SCN2A: variants seen among roughly 807,000 people sequenced by gnomAD.
SCN2A encodes the protein sodium channel protein type 2 subunit alpha.
Under a neutral mutation model 188.7 loss-of-function variants are expected in SCN2A, and 20 were observed. That is an observed-to-expected ratio of 0.11 (90% CI 0.07 to 0.15). The LOEUF (loss-of-function observed/expected upper bound fraction) is 0.15, where lower values mean the gene tolerates loss of function less well. SCN2A is among the 10% of genes least tolerant of loss of function. SCN2A has a pLI of 1.00. For synonymous variants in SCN2A, 804 were observed against 833.1 expected (o/e 0.97, Z 0.60); for missense variants, 1,278 against 2,445.0 (o/e 0.52, Z 10.07).
intron 13 of SCN2A, chr2:165,328,058 T>A (rs1698454729): frequency 6.6e-6 from 1 of 152,060 alleles, no homozygotes; most frequent in South Asian, 2.1e-4. Context: ...AGCATACACG[T>A]CCCTTTCTTA....
intron 17 of SCN2A, among the ~76,000 whole-genome samples, chr2:165,360,528 A>G (rs1700407074): frequency 6.6e-6 from 1 of 151,962 alleles, no homozygotes; most frequent in Admixed American, 6.6e-5. Flanking sequence ...AGAGTCCTAT[A>G]ATATTAGGTA....
At chr2:165,347,240 C>T (rs1379652669) in intron 16 of SCN2A, among the ~76,000 whole-genome samples, 1 of 152,158 alleles carries the variant, frequency 6.6e-6, no homozygotes, top group Non-Finnish European at 1.5e-5. Flanking sequence ...GGCACATATA[C>T]ACCATGAAAT....
chr2:165,364,459 T>G (rs1327788296), intron 17 of SCN2A, among the ~76,000 whole-genome samples: 1 of 152,234 alleles, frequency 6.6e-6, no homozygotes, highest in Non-Finnish European at 1.5e-5. Flanking sequence ...TAAATATTCA[T>G]TTCTGCCTGT....
At chr2:165,253,000 TGAGGTAAAGAATGGGAATTTTGAA>T (rs1694161460) in intron 1 of SCN2A, among the ~76,000 whole-genome samples, 1 of 152,132 alleles carries the variant, frequency 6.6e-6, no homozygotes. Flanking sequence ...TTATCATTTA[TGAGGTAAAGAATGGGAATTTTGAA>T]GTTCTGTGTT....
intron 1 of SCN2A, among the ~76,000 whole-genome samples, chr2:165,274,574 AATACCTG>A: frequency 1.3e-5 from 2 of 152,356 alleles, no homozygotes; most frequent in South Asian, 4.1e-4. Flanking sequence ...ATTTTGTACA[AATACCTG>A]ATGTGTAGCT....
chr2:165,258,851 C>T (rs928143480), intron 1 of SCN2A, among the ~76,000 whole-genome samples: 62 of 152,190 alleles, frequency 4.1e-4, no homozygotes, highest in Admixed American at 1.3e-4. Context: ...CCCAATACCA[C>T]ATGTTCTAAC....
chr2:165,309,095 G>T, intron 5 of SCN2A: 1 of 1,512,066 alleles, frequency 6.6e-7, no homozygotes. Context: ...AAATTAAAAA[G>T]GTCTTGATGA....
At chr2:165,348,615 C>T (rs1574651561) in intron 16 of SCN2A, among the ~76,000 whole-genome samples, 1 of 152,094 alleles carries the variant, frequency 6.6e-6, no homozygotes, top group African/African-American at 2.4e-5. Flanking sequence ...CTGATTACTT[C>T]ATAGTTTCTG....
intron 1 of SCN2A, among the ~76,000 whole-genome samples, chr2:165,290,122 G>T (rs1696031009): frequency 6.6e-6 from 1 of 151,970 alleles, no homozygotes; most frequent in Non-Finnish European, 1.5e-5. Context: ...TATTCATGGG[G>T]TACATAGTGA....
At chr2:165,303,270 G>T (rs1393291984) in intron 3 of SCN2A, among the ~76,000 whole-genome samples, 15 of 91,312 alleles carry the variant, frequency 1.6e-4, no homozygotes, top group East Asian at 3.7e-4. Flanking sequence ...TGTTATTTGA[G>T]TTTTTTTTTT....
At chr2:165,388,591 G>A (rs1701994781) in intron 26 of SCN2A, 38 bp from the exon 27 acceptor site, 2 of 1,611,890 alleles carry the variant, frequency 1.2e-6, no homozygotes, top group East Asian at 2.2e-5. Flanking sequence ...CTACTATTAA[G>A]TATAACAATA....
chr2:165,377,779 A>T (rs545802846), intron 23 of SCN2A, 129 bp downstream of exon 23: 1 of 661,600 alleles, frequency 1.5e-6, no homozygotes, highest in Non-Finnish European at 2.5e-6. Context: ...TATTATAAGG[A>T]TAAAATATTT....
chr2:165,260,186 G>A (rs951151845), intron 1 of SCN2A, among the ~76,000 whole-genome samples: 2 of 152,058 alleles, frequency 1.3e-5, no homozygotes, highest in Non-Finnish European at 1.5e-5. Flanking sequence ...CTCATGATCC[G>A]CCTGCCTCGG....
At chr2:165,257,426 G>A (rs531288570) in intron 1 of SCN2A, among the ~76,000 whole-genome samples, 227 of 152,268 alleles carry the variant, frequency 1.5e-3, no homozygotes, top group South Asian at 0.014. Context: ...TAGTCTATAA[G>A]AGACTTATTT....
At chr2:165,303,915 T>C (rs924211586) in intron 3 of SCN2A, among the ~76,000 whole-genome samples, 1 of 152,142 alleles carries the variant, frequency 6.6e-6, no homozygotes, top group Non-Finnish European at 1.5e-5. Flanking sequence ...CTCTTGTTAA[T>C]GTTGAAATAT....
At chr2:165,356,041 GTATT>G (rs1700166455) in intron 17 of SCN2A, among the ~76,000 whole-genome samples, 1 of 150,238 alleles carries the variant, frequency 6.7e-6, no homozygotes, top group African/African-American at 2.4e-5. Context: ...CACTTTTTCT[GTATT>G]TATTTGATAA....
intron 13 of SCN2A, among the ~76,000 whole-genome samples, chr2:165,330,162 A>G (rs1437066990): frequency 1.3e-5 from 2 of 152,282 alleles, no homozygotes; most frequent in Non-Finnish European, 2.9e-5. Flanking sequence ...AGTTGCCACA[A>G]TAGTATTAAA....
chr2:165,249,609 G>A (rs533313584), intron 1 of SCN2A, among the ~76,000 whole-genome samples: 9 of 151,918 alleles, frequency 5.9e-5, no homozygotes, highest in South Asian at 2.1e-4. Flanking sequence ...TGACCTCATC[G>A]TTTTGTGTTT....
intron 1 of SCN2A, among the ~76,000 whole-genome samples, chr2:165,252,327 T>A (rs539327054): frequency 1.1e-4 from 16 of 152,204 alleles, no homozygotes; most frequent in African/African-American, 3.8e-4. Context: ...ATTTAACTAG[T>A]ATAAATATAT....
Sources: gnomAD v4.1 joint callset for allele counts (sites outside exome capture counted in the v4.1 genomes callset) on GRCh38, gnomAD v4.1.1 for gene constraint, MANE v1.5 for transcripts, NCBI Gene and HGNC (gene_info 2026-07-23, HGNC 2026-07-21) for gene names.